The following JAM3 variants were observed in gnomAD, a reference collection of about 807,000 sequenced individuals.
JAM3 encodes junctional adhesion molecule C.
Under a neutral mutation model 39.4 loss-of-function variants are expected in JAM3, and 31 were observed. That is an observed-to-expected ratio of 0.79 (90% confidence interval 0.59 to 1.06). JAM3 has a LOEUF of 1.06. Among genes scored for constraint, JAM3 ranks in the 50% least tolerant of loss-of-function variants. The pLI, the probability that JAM3 is intolerant of heterozygous loss-of-function variation, is 0.00. For synonymous variants in JAM3, 182 were observed against 148.7 expected, an observed-to-expected ratio of 1.22 and a Z score of -1.63; for missense variants, 455 against 391.4, an observed-to-expected ratio of 1.16 and a Z score of -1.37.
chr11:134,149,063 T>C lies in JAM3; in HGVS notation c.898-83T>C, dbSNP rs1405836181. 5 of 1,486,152 alleles carry C rather than the reference T, an allele frequency of 3.4e-6. No individual in the cohort carries two copies. The East Asian group carries it at 1.1e-4, about 34-fold the overall frequency. The allele number at this position is 1,486,152 out of a possible 1,614,324, so 92.1% of individuals were successfully genotyped here. A position where few individuals can be genotyped will look rare whatever the true frequency, so the allele number is the denominator to read the frequency against. ...TAAGAATGATTATTCCATCTGTATT[T>C]AGCCCATGTTAGACTTACTCCGTGT... On this transcript the variant is annotated intron_variant, in intron 8 of 8. Transcript: ENST00000299106.
At chr11:134,140,609 G>A in intron 2 of JAM3, 48 bp from the exon 3 acceptor site, 2 of 1,487,416 alleles carry the variant, frequency 1.3e-6, no homozygotes, top group Non-Finnish European at 1.9e-6. Flanking sequence ...GCTGAACGTA[G>A]AAGCACTCCA....
In JAM3 at chr11:134,134,384, A is replaced by G. The variant is rs551690204; in HGVS notation, c.77-5467A>G. 3.5e-5 allele frequency among the ~76,000 whole-genome samples: 5 copies of G among 142,152 alleles called. No individual in the cohort carries two copies. In the South Asian group the frequency reaches 1.2e-3, roughly 33 times the overall value. 93.3% of individuals were successfully genotyped at this position (142,152 alleles called of 152,430 possible). A position where few individuals can be genotyped will look rare whatever the true frequency, so the allele number is the denominator to read the frequency against. On this transcript the variant is annotated intron_variant, in intron 1 of 8. Transcript: ENST00000299106. The stretch of plus-strand genomic sequence containing the variant: ...GATCCATGAAGCTCAGAAAACACCA[A>G]ACAGGATAAATGCCAAAAAAAAAAA...
chr11:134,084,319 A>G lies in JAM3; in HGVS notation c.76+15160A>G, dbSNP rs116394955. On this transcript the variant is annotated intron_variant, in intron 1 of 8. Coordinates refer to ENST00000299106, the MANE Select transcript of JAM3 (RefSeq NM_032801.5). ...CTCTTCTGAATTCCTATCATGAAGG[A>G]GCATAGCTAGACCGAGGTTTGAATC... is the stretch of plus-strand genomic sequence containing the variant. Among the ~76,000 whole-genome samples, 689 of 152,312 alleles carry G rather than the reference A, an allele frequency of 4.5e-3. 3 individuals carry two copies. The highest frequency in any genetic ancestry group is 0.015 in the African/African-American group (639 of 41,568).
intron 1 of JAM3, among the ~76,000 whole-genome samples, chr11:134,114,017 T>C (rs1942372311): frequency 6.6e-6 from 1 of 152,152 alleles, no homozygotes; most frequent in South Asian, 2.1e-4. Flanking sequence ...GTTCATATCC[T>C]TTGCCCACTT....
At chr11:134,130,383 A>G (rs867823324) in intron 1 of JAM3, among the ~76,000 whole-genome samples, 9 of 152,170 alleles carry the variant, frequency 5.9e-5, no homozygotes, top group African/African-American at 2.2e-4. Context: ...CTTTTCCAGA[A>G]ACTTCTTGGG....
intron 6 of JAM3, 138 bp downstream of exon 6, chr11:134,146,183 A>AACCC (rs1943067537): frequency 2.8e-6 from 2 of 714,964 alleles, no homozygotes; most frequent in Non-Finnish European, 5.0e-6. Context: ...GGTCCACCAG[A>AACCC]ACCCACTGCA....
chr11:134,151,622 T>A lies in JAM3; in HGVS notation c.*2441T>A, dbSNP rs1943239312. 6.6e-6 allele frequency: 1 copy of A among 152,184 alleles called. No individual in the cohort carries two copies. The highest frequency in any genetic ancestry group is 1.5e-5 in the Non-Finnish European group (1 of 68,048). The allele number at this position is 152,184 out of a possible 1,614,324, so 9.4% of individuals were successfully genotyped here. A position where few individuals can be genotyped will look rare whatever the true frequency, so the allele number is the denominator to read the frequency against. On this transcript the variant is annotated 3_prime_UTR_variant, in exon 9 of 9. Coordinates refer to ENST00000299106, the MANE Select transcript of JAM3 (RefSeq NM_032801.5). The stretch of plus-strand genomic sequence containing the variant: ...TTAAGATATGAATGTGACTCAAGAC[T>A]CGAGGCCGATACGAGGCTGTGATTC...
chr11:134,111,229 C>T (rs1234446270), intron 1 of JAM3, among the ~76,000 whole-genome samples: 1 of 140,256 alleles, frequency 7.1e-6, no homozygotes, highest in African/African-American at 2.7e-5. Flanking sequence ...CTGCAAGCTT[C>T]GCCTCCTGGG....
At chr11:134,147,172 A>G (rs1417076965) in intron 6 of JAM3, among the ~76,000 whole-genome samples, 1 of 152,080 alleles carries the variant, frequency 6.6e-6, no homozygotes, top group Non-Finnish European at 1.5e-5. Context: ...TCAAAATTGC[A>G]TGCCAGGCGT....
rs1399303640 is a variant in JAM3 at position 134,122,516 on chromosome 11, T to C, written c.77-17335T>C. Among the ~76,000 whole-genome samples, 3 of 152,190 alleles carry C rather than the reference T, an allele frequency of 2.0e-5. No individual in the cohort carries two copies. The East Asian group carries it at 5.8e-4, about 29-fold the overall frequency. The stretch of plus-strand genomic sequence containing the variant: ...TCTGCAGAAATGCTGCTACACCGCT[T>C]CACCAGCAACACAGTCCCTGCGCTA... On this transcript the variant is annotated intron_variant, in intron 1 of 8. Transcript: ENST00000299106.
At chr11:134,106,320 T>A (rs1207766451) in intron 1 of JAM3, among the ~76,000 whole-genome samples, 2 of 152,014 alleles carry the variant, frequency 1.3e-5, no homozygotes, top group East Asian at 3.8e-4. Flanking sequence ...CTGGATCCCT[T>A]CCTTACACCT....
chr11:134,106,676 T>C (rs1185331549), intron 1 of JAM3, among the ~76,000 whole-genome samples: 2 of 152,150 alleles, frequency 1.3e-5, no homozygotes, highest in African/African-American at 4.8e-5. Context: ...GCAAAGAATA[T>C]GAACAGACAC....
At chr11:134,145,531 C>T (rs1943056143) in intron 5 of JAM3, 2 of 321,222 alleles carry the variant, frequency 6.2e-6, no homozygotes, top group African/African-American at 4.3e-5. Flanking sequence ...GCCAGCAAAC[C>T]ACACCAGGCT....
intron 6 of JAM3, among the ~76,000 whole-genome samples, chr11:134,147,633 C>G: frequency 6.6e-6 from 1 of 151,814 alleles, no homozygotes; most frequent in East Asian, 2.0e-4. Context: ...ACTACAGGCA[C>G]CTGCCAACAC....
intron 1 of JAM3, among the ~76,000 whole-genome samples, chr11:134,093,019 C>T (rs1490409708): frequency 6.9e-6 from 1 of 143,982 alleles, no homozygotes; most frequent in Non-Finnish European, 1.5e-5. Context: ...ATGTCACTTC[C>T]TGAGGGAAGC....
At chr11:134,113,459 T>G (rs984207575) in intron 1 of JAM3, among the ~76,000 whole-genome samples, 2 of 152,176 alleles carry the variant, frequency 1.3e-5, no homozygotes, top group Admixed American at 1.3e-4. Context: ...TTTTTGTCCT[T>G]GTGATAGTTT....
At chr11:134,129,271 C>T (rs1022897522) in intron 1 of JAM3, among the ~76,000 whole-genome samples, 1 of 152,076 alleles carries the variant, frequency 6.6e-6, no homozygotes, top group South Asian at 2.1e-4. Flanking sequence ...CACCCGCCAC[C>T]ATGCCTGGCT....
chr11:134,082,825 C>A (rs1941688964), intron 1 of JAM3, among the ~76,000 whole-genome samples: 1 of 152,178 alleles, frequency 6.6e-6, no homozygotes, highest in African/African-American at 2.4e-5. Context: ...TTATGCACCA[C>A]CTCAGGTTGA....
intron 3 of JAM3, among the ~76,000 whole-genome samples, chr11:134,141,199 T>TG (rs1298901762): frequency 6.6e-6 from 1 of 151,998 alleles, no homozygotes; most frequent in Non-Finnish European, 1.5e-5. Flanking sequence ...GGGTTGCCGA[T>TG]GGGGAGAAAA....
Sources: allele counts gnomAD v4.1 joint callset (sites outside exome capture counted in the v4.1 genomes callset), GRCh38; gene constraint gnomAD v4.1.1; transcripts MANE v1.5; gene names NCBI Gene and HGNC (gene_info 2026-07-23, HGNC 2026-07-21).